The following OSBPL9 variants were observed in gnomAD, a reference collection of about 807,000 sequenced individuals.
OSBPL9 encodes oxysterol-binding protein-related protein 9.
A neutral mutation model predicts 106.6 loss-of-function variants in OSBPL9; 40 were observed. That is an observed-to-expected ratio of 0.38 (90% confidence interval 0.29 to 0.49). The LOEUF (loss-of-function observed/expected upper bound fraction) is 0.49. OSBPL9 is among the 20% of genes least tolerant of loss of function. The probability of loss-of-function intolerance (pLI) is 0.97; values close to 1 mark genes in which losing one functional copy is unlikely to be tolerated. For missense variants in OSBPL9, 609 were observed against 887.2 expected (o/e 0.69, Z 3.98); for synonymous variants, 269 against 295.4 (o/e 0.91, Z 0.92).
intron 15 of OSBPL9, among the ~76,000 whole-genome samples, chr1:51,780,058 A>G (rs1353511958): frequency 1.3e-5 from 2 of 151,646 alleles, no homozygotes; most frequent in Non-Finnish European, 2.9e-5. Flanking sequence ...AGCCTGGACA[A>G]CAGAGCGAGA....
upstream of OSBPL9, among the ~76,000 whole-genome samples, chr1:51,616,653 A>G (rs764650658): frequency 2.0e-5 from 3 of 152,122 alleles, no homozygotes; most frequent in Non-Finnish European, 2.9e-5. Context: ...TATTTATTTT[A>G]CCATTCCCCT....
the OSBPL9 span, among the ~76,000 whole-genome samples, chr1:51,536,203 T>C: frequency 8.9e-3 from 1,360 of 152,352 alleles, 50 homozygotes; most frequent in East Asian, 0.1. Context: ...GGCCTGATAA[T>C]GTCCTATATA....
intron 2 of OSBPL9, among the ~76,000 whole-genome samples, chr1:51,663,958 A>C (rs925909862): frequency 6.6e-6 from 1 of 152,230 alleles, no homozygotes; most frequent in African/African-American, 2.4e-5. Flanking sequence ...TTACCTGCCA[A>C]GAATAACTAA....
At chr1:51,744,580 G>A (rs941546142) in intron 4 of OSBPL9, among the ~76,000 whole-genome samples, 2 of 152,204 alleles carry the variant, frequency 1.3e-5, no homozygotes, top group Non-Finnish European at 2.9e-5. Context: ...GGCGAAGGCA[G>A]GGAGGAGATG....
chr1:51,783,901 A>G lies in OSBPL9; in HGVS notation c.1514-14A>G, dbSNP rs1300210521. On this transcript the variant is annotated splice_polypyrimidine_tract_variant and intron_variant, in intron 17 of 23. Transcript: ENST00000428468. ...TAGGTATATATAATCTACTAATTGA[A>G]AATTTCTATTCAGTTTCAGCCTTTT... The G allele has an allele frequency of 6.3e-7, 1 of 1,582,668 alleles. No individual in the cohort carries two copies. The highest frequency in any genetic ancestry group is 1.1e-5 in the South Asian group (1 of 90,446).
chr1:51,655,330 G>A (rs1646752942), intron 2 of OSBPL9, among the ~76,000 whole-genome samples: 1 of 152,076 alleles, frequency 6.6e-6, no homozygotes, highest in Non-Finnish European at 1.5e-5. Flanking sequence ...TTTTGTTGTT[G>A]TTGGCTGTCA....
chr1:51,782,014 A>G (rs1676498966), intron 16 of OSBPL9, among the ~76,000 whole-genome samples: 1 of 152,214 alleles, frequency 6.6e-6, no homozygotes, highest in South Asian at 2.1e-4. Flanking sequence ...TTAAAGCTCT[A>G]GGATTGGATA....
At chr1:51,784,181 C>T in intron 18 of OSBPL9, 83 bp from the exon 19 acceptor site, 1 of 1,475,650 alleles carries the variant, frequency 6.8e-7, no homozygotes, top group Non-Finnish European at 9.5e-7. Context: ...AATGGAGTAT[C>T]CTGGAGTAAC....
intron 22 of OSBPL9, among the ~76,000 whole-genome samples, 160 bp from the exon 23 acceptor site, chr1:51,787,193 A>G (rs1159833376): frequency 6.6e-6 from 1 of 152,152 alleles, no homozygotes; most frequent in African/African-American, 2.4e-5. Context: ...TTCTGAGCCC[A>G]TATGTCTGTT....
At chr1:51,534,166 T>C in the OSBPL9 span, among the ~76,000 whole-genome samples, 2 of 151,164 alleles carry the variant, frequency 1.3e-5, no homozygotes, top group African/African-American at 4.9e-5. Context: ...ATCGTGCCAC[T>C]GCACTCCAGC....
chr1:51,585,646 C>T (rs905217017), intron 1 of OSBPL9, among the ~76,000 whole-genome samples: 9 of 151,968 alleles, frequency 5.9e-5, no homozygotes, highest in African/African-American at 1.7e-4. Context: ...CGTGGTGGTG[C>T]GCACCTGTAA....
At chr1:51,563,644 A>T in the OSBPL9 span, 1 of 152,356 alleles carries the variant, frequency 6.6e-6, no homozygotes, top group African/African-American at 2.4e-5. Flanking sequence ...CGGATTTGGC[A>T]TCAGAGGCCT....
intron 2 of OSBPL9, among the ~76,000 whole-genome samples, chr1:51,608,860 A>G (rs370079082): frequency 5.3e-4 from 77 of 145,770 alleles, no homozygotes; most frequent in African/African-American, 1.9e-3. Context: ...TTGCTGGGGG[A>G]AAAAAAAAAT....
At chr1:51,540,821 G>A in the OSBPL9 span, among the ~76,000 whole-genome samples, 3 of 150,318 alleles carry the variant, frequency 2.0e-5, no homozygotes, top group East Asian at 2.0e-4. Context: ...TAGCCAGGTG[G>A]GGTGGTGGGC....
chr1:51,688,163 C>G (rs1451282414), intron 3 of OSBPL9, among the ~76,000 whole-genome samples: 4 of 152,024 alleles, frequency 2.6e-5, no homozygotes, highest in African/African-American at 9.7e-5. Context: ...CAGGGTAATG[C>G]CATAAATGCA....
chr1:51,787,968 CCT>C lies in OSBPL9; in HGVS notation c.*182_*183del. 1 of 585,340 alleles carries C rather than the reference CCT, an allele frequency of 1.7e-6. No homozygotes were observed. Among genetic ancestry groups the C allele is most frequent in the Non-Finnish European group, 3.0e-6 (1 of 337,748 alleles). 36.3% of individuals were successfully genotyped at this position (585,340 alleles called of 1,614,324 possible). On this transcript the variant is annotated 3_prime_UTR_variant, in exon 24 of 24. Coordinates refer to ENST00000428468, the MANE Select transcript of OSBPL9 (RefSeq NM_024586.6). The stretch of plus-strand genomic sequence containing the variant: ...ATTAAGGGGAAAAGCTTCCCTTTTC[CCT>C]CTGTGGCAGTTACGATTTTGACTTC...
At chr1:51,712,797 G>A (rs1357061801) in intron 3 of OSBPL9, among the ~76,000 whole-genome samples, 2 of 152,128 alleles carry the variant, frequency 1.3e-5, no homozygotes, top group East Asian at 1.9e-4. Flanking sequence ...TTGCTTATGT[G>A]CTAGACATTG....
chr1:51,640,113 G>A (rs770683540), intron 1 of OSBPL9, among the ~76,000 whole-genome samples: 4 of 152,036 alleles, frequency 2.6e-5, no homozygotes, highest in Non-Finnish European at 2.9e-5. Context: ...ATTATGGCAT[G>A]AGCCACCATA....
At chr1:51,601,249 TG>T (rs1384107464) in intron 2 of OSBPL9, among the ~76,000 whole-genome samples, 1 of 152,182 alleles carries the variant, frequency 6.6e-6, no homozygotes, top group Non-Finnish European at 1.5e-5. Flanking sequence ...CTAAGGCCCA[TG>T]TTTGGGAAAT....
Sources: allele counts gnomAD v4.1 joint callset (sites outside exome capture counted in the v4.1 genomes callset), GRCh38; gene constraint gnomAD v4.1.1; transcripts MANE v1.5; gene names NCBI Gene and HGNC (gene_info 2026-07-23, HGNC 2026-07-21).